The following CSMD3 variants were observed in gnomAD, a reference collection of about 807,000 sequenced individuals.
CSMD3 encodes the protein CUB and sushi domain-containing protein 3.
Under a neutral mutation model 435.2 loss-of-function variants are expected in CSMD3, and 177 were observed. That is an observed-to-expected ratio of 0.41 (90% CI 0.36 to 0.46). The LOEUF is 0.46. Ranked by LOEUF, CSMD3 falls within the 20% of genes least tolerant of loss-of-function variation. The pLI, the probability that CSMD3 is intolerant of heterozygous loss-of-function variation, is 0.34. For synonymous variants in CSMD3, 1,656 were observed against 1,520.5 expected (o/e 1.09, Z -2.07); for missense variants, 4,265 against 4,504.6 (o/e 0.95, Z 1.52).
At chr8:112,751,036 C>G (rs905690766) in intron 13 of CSMD3, among the ~76,000 whole-genome samples, 10 of 151,560 alleles carry the variant, frequency 6.6e-5, no homozygotes, top group Non-Finnish European at 1.5e-4. Context: ...AAACAATCCC[C>G]TAGTATACCA....
At chr8:112,320,057 T>C in intron 45 of CSMD3, 76 bp from the exon 46 acceptor site, 1 of 899,862 alleles carries the variant, frequency 1.1e-6, no homozygotes, top group East Asian at 2.5e-5. Context: ...AACAAGAAAA[T>C]TATGGAAAGT....
chr8:113,206,047 AGCTGTTTTTGCACTACAAGG>A (rs1365039630), intron 3 of CSMD3, among the ~76,000 whole-genome samples: 9 of 152,050 alleles, frequency 5.9e-5, no homozygotes, highest in Admixed American at 2.6e-4. Context: ...TGTTATCAAC[AGCTGTTTTTGCACTACAAGG>A]GTAGAGCTGG....
chr8:112,676,018 G>T (rs968001307), intron 16 of CSMD3, among the ~76,000 whole-genome samples: 3 of 152,088 alleles, frequency 2.0e-5, no homozygotes, highest in East Asian at 3.8e-4. Flanking sequence ...AAAGACCGAA[G>T]AATTTTGGCC....
chr8:112,409,098 A>C lies in CSMD3; in HGVS notation c.5396-66T>G, dbSNP rs1413679843. 1.9e-6 allele frequency: 3 copies of C among 1,608,936 alleles called. No individual in the cohort carries two copies. In the African/African-American group the frequency reaches 4.0e-5, roughly 22 times the overall value. ...CATCCAAAAACGAAAACAAAAAACA[A>C]AAAAATAGAAAGAGGAGGAGAGAGA... On this transcript the variant is annotated intron_variant, in intron 32 of 70. Transcript: ENST00000297405.
At chr8:113,143,475 T>C (rs146104600) in intron 4 of CSMD3, among the ~76,000 whole-genome samples, 234 of 151,510 alleles carry the variant, frequency 1.5e-3, no homozygotes, top group African/African-American at 5.5e-3. Context: ...TCTGGGCATT[T>C]ATACCAGGGA....
intron 30 of CSMD3, among the ~76,000 whole-genome samples, chr8:112,494,559 CTTTCTTTCTTTCT>C (rs1821131369): frequency 1.1e-5 from 1 of 92,604 alleles, no homozygotes; most frequent in African/African-American, 3.8e-5. Context: ...TTCTTTCTTT[CTTTCTTTCTTTCT>C]TTTCTTTCTT....
intron 1 of CSMD3, chr8:113,376,865 T>A: frequency 6.2e-7 from 1 of 1,611,006 alleles, no homozygotes; most frequent in Non-Finnish European, 8.5e-7. Flanking sequence ...CTTTCCCGGA[T>A]GATCTGGAAG....
chr8:113,054,750 C>T (rs1319807868), intron 5 of CSMD3, among the ~76,000 whole-genome samples: 4 of 152,266 alleles, frequency 2.6e-5, no homozygotes, highest in African/African-American at 9.6e-5. Context: ...ACTTTCTGTA[C>T]ACGCTGTCTT....
intron 10 of CSMD3, among the ~76,000 whole-genome samples, chr8:112,859,731 T>C (rs945117132): frequency 1.3e-5 from 2 of 151,614 alleles, no homozygotes. Flanking sequence ...CTTATAACTA[T>C]GAATTAAAGA....
At chr8:113,031,840 A>G (rs1201085709) in intron 5 of CSMD3, among the ~76,000 whole-genome samples, 1 of 151,544 alleles carries the variant, frequency 6.6e-6, no homozygotes, top group Non-Finnish European at 1.5e-5. Flanking sequence ...TAATATCCAC[A>G]TGTTGAAAGA....
chr8:113,199,970 T>G (rs1356058906), intron 3 of CSMD3, among the ~76,000 whole-genome samples: 2 of 151,964 alleles, frequency 1.3e-5, no homozygotes, highest in South Asian at 2.1e-4. Context: ...TGCTGATAAC[T>G]CTCACAATTA....
chr8:113,361,445 C>A lies in CSMD3; in HGVS notation c.179-46652G>T, dbSNP rs537434938. Among the ~76,000 whole-genome samples, 729 of 152,074 alleles carry A rather than the reference C, an allele frequency of 4.8e-3. 12 individuals carry two copies. The highest frequency in any genetic ancestry group is 0.017 in the African/African-American group (702 of 41,512). ...TAAATATTCTTAACAAAAGTATTTT[C>A]TTATAATATTTCCTGAATGTCTTCA... is the stretch of plus-strand genomic sequence containing the variant. On this transcript the variant is annotated intron_variant, in intron 1 of 70. Coordinates refer to ENST00000297405, the MANE Select transcript of CSMD3 (RefSeq NM_198123.2).
Position 113,436,740 on chromosome 8 carries a change from C to T in CSMD3, c.115G>A (p.Gly39Arg), listed in dbSNP as rs1394000730. 6.2e-7 allele frequency: 1 copy of T among 1,614,160 alleles called. No individual in the cohort carries two copies. The highest frequency in any genetic ancestry group is 2.2e-5 in the East Asian group (1 of 44,870). ...RLDFILMKKM[G>R]IKSGFTFWNL... is the part of the protein sequence containing the mutation. ...CAAAACGTAAATCCACTTTTAATCCCCATTTTCTTCATCAGGATGAAGTCT... is the reference window on the plus strand; with the variant it reads ...CAAAACGTAAATCCACTTTTAATCCTCATTTTCTTCATCAGGATGAAGTCT... The change falls in exon 1 of 71, where the codon GGG becomes AGG. Residue 39 changes from glycine (G) to arginine (R), a missense_variant. Transcript: ENST00000297405.
intron 6 of CSMD3, among the ~76,000 whole-genome samples, chr8:112,977,725 T>G (rs2084906688): frequency 1.3e-5 from 2 of 152,090 alleles, no homozygotes; most frequent in Admixed American, 6.6e-5. Flanking sequence ...GATTATCAAA[T>G]TATTTTAAAT....
Position 113,098,249 on chromosome 8 carries a change from C to T in CSMD3, c.917+507G>A, listed in dbSNP as rs994666554. Among the ~76,000 whole-genome samples the T allele has an allele frequency of 4.6e-5, 7 of 152,044 alleles. No individual in the cohort carries two copies. In the South Asian group the frequency reaches 8.3e-4, roughly 18 times the overall value. ...ATCTACTCAATGATATAATTAGATA[C>T]AAATTTTTAAAATAGCATAAAGAAG... On this transcript the variant is annotated intron_variant, in intron 5 of 70. Transcript: ENST00000297405.
intron 30 of CSMD3, among the ~76,000 whole-genome samples, chr8:112,496,215 C>T (rs562949758): frequency 1.4e-3 from 218 of 152,206 alleles, no homozygotes; most frequent in African/African-American, 3.0e-3. Context: ...ATGATCCACC[C>T]GCCTCGGCCT....
rs939300161 is a variant in CSMD3 at position 113,190,447 on chromosome 8, G to T, written c.515-16531C>A. 2.6e-5 allele frequency among the ~76,000 whole-genome samples: 4 copies of T among 151,776 alleles called. No homozygotes were observed. The Admixed American group carries it at 2.6e-4, about 10-fold the overall frequency. On this transcript the variant is annotated intron_variant, in intron 3 of 70. Coordinates refer to ENST00000297405, the MANE Select transcript of CSMD3 (RefSeq NM_198123.2). ...AATGACCTTGAAGCACAGAATGCATGGAGAGTTGATGGAATGGCAAGAGTC... is the reference window on the plus strand; with the variant it reads ...AATGACCTTGAAGCACAGAATGCATTGAGAGTTGATGGAATGGCAAGAGTC...
intron 1 of CSMD3, chr8:113,377,281 T>C: frequency 3.8e-6 from 1 of 262,632 alleles, no homozygotes; most frequent in Non-Finnish European, 6.6e-6. Flanking sequence ...AAAAATATTT[T>C]GGATGCTGAA....
chr8:113,055,725 G>C (rs554845120), intron 5 of CSMD3, among the ~76,000 whole-genome samples: 1 of 152,310 alleles, frequency 6.6e-6, no homozygotes, highest in East Asian at 1.9e-4. Flanking sequence ...GGTTATAAAG[G>C]AAGATTGGTT....
Sources: allele counts gnomAD v4.1 joint callset (sites outside exome capture counted in the v4.1 genomes callset), GRCh38; gene constraint gnomAD v4.1.1; transcripts MANE v1.5; gene names NCBI Gene and HGNC (gene_info 2026-07-23, HGNC 2026-07-21).